DIAPH3: variants seen among roughly 807,000 people sequenced by gnomAD.
DIAPH3 encodes the protein diaphanous related formin 3.
DIAPH3 carries 117 observed loss-of-function variants against 144.3 expected under a neutral mutation model. The ratio of observed to expected loss-of-function variants is 0.81; its 90% CI spans 0.70 to 0.95. The LOEUF (loss-of-function observed/expected upper bound fraction) is 0.95, where lower values mean the gene tolerates loss of function less well. Ranked by LOEUF, DIAPH3 falls within the 40% of genes least tolerant of loss-of-function variation. The probability of loss-of-function intolerance (pLI) is 0.00; values close to 1 mark genes in which losing one functional copy is unlikely to be tolerated. For missense variants in DIAPH3, 1,421 were observed against 1,412.7 expected (o/e 1.01, Z -0.09); for synonymous variants, 519 against 488.9 (o/e 1.06, Z -0.81).
At chr13:59,743,696 CT>C (rs1310065107) in intron 27 of DIAPH3, among the ~76,000 whole-genome samples, 1 of 152,104 alleles carries the variant, frequency 6.6e-6, no homozygotes, top group Non-Finnish European at 1.5e-5. Flanking sequence ...TGACAACTGC[CT>C]TTTTCAGAGT....
At chr13:59,814,966 C>G (rs749865547) in intron 24 of DIAPH3, among the ~76,000 whole-genome samples, 1 of 152,192 alleles carries the variant, frequency 6.6e-6, no homozygotes, top group African/African-American at 2.4e-5. Context: ...GCTTATTTCA[C>G]TTAATATAAT....
At chr13:59,672,450 A>T (rs1217807850) in intron 27 of DIAPH3, among the ~76,000 whole-genome samples, 2 of 152,146 alleles carry the variant, frequency 1.3e-5, no homozygotes, top group Non-Finnish European at 1.5e-5. Context: ...TCTCCTCGCA[A>T]TTCTTTACCT....
intron 1 of DIAPH3, among the ~76,000 whole-genome samples, chr13:60,139,565 T>TG (rs1566816312): frequency 6.6e-6 from 1 of 152,082 alleles, no homozygotes; most frequent in East Asian, 1.9e-4. Context: ...ATCATTCAAG[T>TG]GTCCACAGCA....
At chr13:59,843,636 A>G (rs2042462777) in intron 22 of DIAPH3, among the ~76,000 whole-genome samples, 1 of 152,234 alleles carries the variant, frequency 6.6e-6, no homozygotes, top group Non-Finnish European at 1.5e-5. Context: ...AGGCTACTCT[A>G]CAGATGCAAA....
intron 24 of DIAPH3, among the ~76,000 whole-genome samples, chr13:59,819,336 T>G (rs910414899): frequency 6.6e-6 from 1 of 151,924 alleles, no homozygotes; most frequent in Non-Finnish European, 1.5e-5. Flanking sequence ...AGGTTTCAAC[T>G]TCATTCTTTC....
At chr13:59,794,511 T>C (rs1236098587) in intron 25 of DIAPH3, among the ~76,000 whole-genome samples, 2 of 150,502 alleles carry the variant, frequency 1.3e-5, no homozygotes, top group Non-Finnish European at 3.0e-5. Context: ...AAATCTTCTT[T>C]AGTGAAAAAA....
At chr13:60,145,889 C>G (rs979633614) in intron 1 of DIAPH3, among the ~76,000 whole-genome samples, 3 of 151,876 alleles carry the variant, frequency 2.0e-5, no homozygotes, top group African/African-American at 7.3e-5. Context: ...GAAACATAAG[C>G]CAAAATTATC....
chr13:59,979,958 C>G (rs1167096769), intron 14 of DIAPH3, among the ~76,000 whole-genome samples: 1 of 151,574 alleles, frequency 6.6e-6, no homozygotes, highest in African/African-American at 2.4e-5. Flanking sequence ...TAGGTACTTG[C>G]TAAGCCAGAG....
intron 4 of DIAPH3, among the ~76,000 whole-genome samples, chr13:60,051,522 A>C (rs1192223067): frequency 6.6e-6 from 1 of 152,144 alleles, no homozygotes; most frequent in African/African-American, 2.4e-5. Flanking sequence ...TGGGAGGCTG[A>C]GGCAGGACAA....
chr13:59,771,535 G>A (rs1398085063), intron 27 of DIAPH3, among the ~76,000 whole-genome samples: 1 of 152,010 alleles, frequency 6.6e-6, no homozygotes, highest in African/African-American at 2.4e-5. Context: ...CCTCTGAGAG[G>A]CTGTGTCTCA....
At chr13:59,984,644 C>T (rs1594225663) in intron 12 of DIAPH3, among the ~76,000 whole-genome samples, 1 of 148,592 alleles carries the variant, frequency 6.7e-6, no homozygotes, top group Admixed American at 6.8e-5. Flanking sequence ...GGGGATATCA[C>T]CACTGATCCC....
At chr13:59,922,058 C>G (rs2047545107) in intron 18 of DIAPH3, among the ~76,000 whole-genome samples, 1 of 151,918 alleles carries the variant, frequency 6.6e-6, no homozygotes, top group African/African-American at 2.4e-5. Flanking sequence ...TGTCACAACA[C>G]AATAAATATA....
intron 20 of DIAPH3, among the ~76,000 whole-genome samples, chr13:59,899,778 T>A (rs1217716677): frequency 1.3e-5 from 2 of 152,212 alleles, no homozygotes; most frequent in East Asian, 3.9e-4. Flanking sequence ...AAATTTTACA[T>A]GCACGTGATA....
chr13:59,795,487 C>T (rs11838876), intron 25 of DIAPH3, among the ~76,000 whole-genome samples: 10,876 of 148,462 alleles, frequency 0.073, 515 homozygotes, highest in South Asian at 0.17. Context: ...TGGAGTCTCG[C>T]TCTCCCGCCC....
At chr13:59,708,256 A>G (rs1299105015) in intron 27 of DIAPH3, among the ~76,000 whole-genome samples, 1 of 151,764 alleles carries the variant, frequency 6.6e-6, no homozygotes, top group Non-Finnish European at 1.5e-5. Context: ...TTAGAGATGG[A>G]GTCTCACTAT....
intron 17 of DIAPH3, among the ~76,000 whole-genome samples, chr13:59,946,678 C>T (rs1343355193): frequency 6.6e-6 from 1 of 152,136 alleles, no homozygotes; most frequent in African/African-American, 2.4e-5. Flanking sequence ...CCTACTTAGA[C>T]AGCTATTGTG....
At chr13:59,720,467 A>G (rs556242459) in intron 27 of DIAPH3, among the ~76,000 whole-genome samples, 2 of 152,314 alleles carry the variant, frequency 1.3e-5, no homozygotes, top group South Asian at 4.1e-4. Context: ...TGAACATAAA[A>G]TATTTATTTT....
At chr13:59,948,818 G>A (rs1326923047) in intron 17 of DIAPH3, among the ~76,000 whole-genome samples, 2 of 148,138 alleles carry the variant, frequency 1.4e-5, no homozygotes, top group Non-Finnish European at 3.0e-5. Context: ...CCCTTTCTCT[G>A]CCTTGCTTGA....
intron 2 of DIAPH3, among the ~76,000 whole-genome samples, chr13:60,126,659 G>A (rs2058999291): frequency 6.6e-6 from 1 of 152,054 alleles, no homozygotes; most frequent in African/African-American, 2.4e-5. Context: ...CATAAAGTAA[G>A]ACTTAAAAAA....
Sources: gnomAD v4.1 joint callset for allele counts (sites outside exome capture counted in the v4.1 genomes callset) on GRCh38, gnomAD v4.1.1 for gene constraint, MANE v1.5 for transcripts, NCBI Gene and HGNC (gene_info 2026-07-23, HGNC 2026-07-21) for gene names.